Variants in SLC25A48 observed in about 807,000 individuals in gnomAD.
SLC25A48 encodes the protein solute carrier family 25 member 48.
In SLC25A48, 29 loss-of-function variants were observed where a neutral mutation model predicts 32.2. The ratio of observed to expected loss-of-function variants is 0.90; its 90% confidence interval spans 0.67 to 1.23. SLC25A48 has a LOEUF of 1.23. SLC25A48 is among the 50% of genes most tolerant of loss of function. The pLI is 0.00. For synonymous variants in SLC25A48, 164 were observed against 172.3 expected (o/e 0.95, Z 0.38); for missense variants, 399 against 422.7 (o/e 0.94, Z 0.49).
chr5:135,687,198 G>T (rs1031922842), intron 3 of SLC25A48, among the ~76,000 whole-genome samples: 1 of 151,756 alleles, frequency 6.6e-6, no homozygotes. Context: ...TGACATTAAA[G>T]AATCTTATTT....
intron 6 of SLC25A48, among the ~76,000 whole-genome samples, chr5:135,877,702 C>G (rs191897274): frequency 2.0e-5 from 3 of 152,288 alleles, no homozygotes; most frequent in Admixed American, 1.3e-4. Context: ...ATCCCACCCC[C>G]ACCTCTGTTA....
intron 3 of SLC25A48, among the ~76,000 whole-genome samples, chr5:135,795,986 A>C (rs1757162696): frequency 8.7e-6 from 1 of 114,444 alleles, no homozygotes; most frequent in Non-Finnish European, 1.8e-5. Flanking sequence ...GGTGGAGGGG[A>C]TAATATTACT....
rs557480147 is a variant in SLC25A48, at chr5:135,852,422, C to T, written c.163-141C>T. 6.7e-6 allele frequency: 7 copies of T among 1,040,748 alleles called. No homozygotes were observed. The East Asian group carries it at 1.5e-4, about 22-fold the overall frequency. The allele number at this position is 1,040,748 out of a possible 1,614,324, so 64.5% of individuals were successfully genotyped here. ...CCCCTGAGTGGTTCCCCACCCCCTA[C>T]CTCCTGTCGCATCAGCACCCTCTTC... On this transcript the variant is annotated intron_variant, in intron 3 of 7. Transcript: ENST00000681962.
At chr5:135,881,044 C>A (rs1400595697) in intron 7 of SLC25A48, among the ~76,000 whole-genome samples, 1 of 152,106 alleles carries the variant, frequency 6.6e-6, no homozygotes. Context: ...TGGCACAGAG[C>A]CCAGCACACA....
chr5:135,758,504 T>C (rs1755978495), intron 3 of SLC25A48, among the ~76,000 whole-genome samples: 1 of 150,924 alleles, frequency 6.6e-6, no homozygotes, highest in South Asian at 2.1e-4. Context: ...CACACTATGA[T>C]ATTAATAGAA....
chr5:135,775,760 G>A (rs1309217857), intron 3 of SLC25A48, among the ~76,000 whole-genome samples: 1 of 151,434 alleles, frequency 6.6e-6, no homozygotes, highest in East Asian at 1.9e-4. Flanking sequence ...AGTATCACAG[G>A]GCATGTACAC....
intron 3 of SLC25A48, among the ~76,000 whole-genome samples, chr5:135,663,651 A>G (rs1242283422): frequency 1.3e-5 from 2 of 152,236 alleles, no homozygotes; most frequent in African/African-American, 4.8e-5. Context: ...AGACTGGAAC[A>G]GGTACACAAA....
intron 6 of SLC25A48, among the ~76,000 whole-genome samples, chr5:135,878,359 C>G (rs747314368): frequency 1.3e-5 from 2 of 152,220 alleles, no homozygotes; most frequent in South Asian, 2.1e-4. Context: ...ATTTTCCTCT[C>G]AGAGTTTGAC....
intron 1 of SLC25A48, among the ~76,000 whole-genome samples, chr5:135,600,041 A>G (rs1275000584): frequency 6.6e-6 from 1 of 152,046 alleles, no homozygotes; most frequent in Non-Finnish European, 1.5e-5. Flanking sequence ...TTGGGGCTCA[A>G]TATCTCACTC....
intron 1 of SLC25A48, among the ~76,000 whole-genome samples, chr5:135,588,615 G>A (rs1402777865): frequency 6.6e-6 from 1 of 152,218 alleles, no homozygotes; most frequent in Non-Finnish European, 1.5e-5. Flanking sequence ...TTGGGGATTG[G>A]GAATGCTTTC....
chr5:135,597,395 C>T (rs17168713), intron 1 of SLC25A48, among the ~76,000 whole-genome samples: 12,406 of 152,230 alleles, frequency 0.081, 514 homozygotes, highest in South Asian at 0.15. Flanking sequence ...CTACCTGCCT[C>T]CGACCTGCCT....
At chr5:135,654,549 A>G (rs781107622) in intron 3 of SLC25A48, among the ~76,000 whole-genome samples, 16 of 152,230 alleles carry the variant, frequency 1.1e-4, no homozygotes, top group South Asian at 1.0e-3. Flanking sequence ...ACAGACCTAC[A>G]GCTCAGGAAG....
At chr5:135,678,422 T>A (rs1753818905) in intron 3 of SLC25A48, among the ~76,000 whole-genome samples, 1 of 152,206 alleles carries the variant, frequency 6.6e-6, no homozygotes, top group Non-Finnish European at 1.5e-5. Flanking sequence ...CTCATTCACA[T>A]CTTGAGTTCT....
chr5:135,877,847 T>C (rs936955250), intron 6 of SLC25A48, among the ~76,000 whole-genome samples: 1 of 152,082 alleles, frequency 6.6e-6, no homozygotes, highest in Admixed American at 6.5e-5. Flanking sequence ...ACTGCCAGGC[T>C]GCAAGCCAGG....
chr5:135,580,761 G>T (rs1002279773), intron 1 of SLC25A48, among the ~76,000 whole-genome samples: 1 of 152,056 alleles, frequency 6.6e-6, no homozygotes, highest in African/African-American at 2.4e-5. Context: ...ACATTTTCAC[G>T]CAAGTAAAAT....
rs116709301 is a variant in SLC25A48 at position 135,703,609 on chromosome 5, A to C, written c.-521+68653A>C. ...CAGCAAAAATATCACTTCCTCCAGG[A>C]AACCTTCCTTGACTCTCCAGTCTAC... On this transcript the variant is annotated intron_variant, in intron 3 of 10. Coordinates refer to the SLC25A48 transcript ENST00000646290. Among the ~76,000 whole-genome samples the C allele has an allele frequency of 3.9e-3, 595 of 152,250 alleles. 5 individuals are homozygous for C. The highest frequency in any genetic ancestry group is 0.014 in the African/African-American group (562 of 41,528).
intron 3 of SLC25A48, among the ~76,000 whole-genome samples, chr5:135,792,247 G>A (rs1377807635): frequency 1.3e-5 from 2 of 151,692 alleles, no homozygotes; most frequent in Admixed American, 6.6e-5. Context: ...AATATCTCAC[G>A]GGTTCTATAG....
At chr5:135,662,702 C>CGCT (rs1554119828) in intron 3 of SLC25A48, among the ~76,000 whole-genome samples, 12 of 151,604 alleles carry the variant, frequency 7.9e-5, no homozygotes, top group Non-Finnish European at 1.2e-4. Flanking sequence ...CTGCCTCTCC[C>CGCT]CCTCAGGTCC....
intron 4 of SLC25A48, among the ~76,000 whole-genome samples, chr5:135,867,461 C>T (rs1001284256): frequency 5.9e-5 from 9 of 152,236 alleles, no homozygotes; most frequent in South Asian, 2.1e-4. Context: ...CCAAGAACTC[C>T]GATCCAGTGT....
Sources: allele counts gnomAD v4.1 joint callset (sites outside exome capture counted in the v4.1 genomes callset), GRCh38; gene constraint gnomAD v4.1.1; transcripts MANE v1.5; gene names NCBI Gene and HGNC (gene_info 2026-07-23, HGNC 2026-07-21).